The following YWHAQ variants were observed in gnomAD, a reference collection of about 807,000 sequenced individuals.
YWHAQ encodes the protein tyrosine 3-monooxygenase/tryptophan 5-monooxygenase activation protein theta.
In YWHAQ, 6 loss-of-function variants were observed where a neutral mutation model predicts 28.3. The ratio of observed to expected loss-of-function variants is 0.21; its 90% CI spans 0.12 to 0.42. YWHAQ has a LOEUF of 0.42. Ranked by LOEUF, YWHAQ falls within the 10% of genes least tolerant of loss-of-function variation. The pLI, the probability that YWHAQ is intolerant of heterozygous loss-of-function variation, is 1.00. For missense variants in YWHAQ, 201 were observed against 305.6 expected, an observed-to-expected ratio of 0.66 and a Z score of 2.55; for synonymous variants, 143 against 119.1, an observed-to-expected ratio of 1.20 and a Z score of -1.31.
chr2:9,619,855 T>TA (rs1196786559), intron 2 of YWHAQ, among the ~76,000 whole-genome samples: 1 of 152,212 alleles, frequency 6.6e-6, no homozygotes, highest in Non-Finnish European at 1.5e-5. Flanking sequence ...TCAGAACACC[T>TA]AGTATAAATA....
intron 2 of YWHAQ, among the ~76,000 whole-genome samples, chr2:9,600,834 C>CA (rs1666678699): frequency 6.6e-6 from 1 of 152,320 alleles, no homozygotes; most frequent in Admixed American, 6.5e-5. Flanking sequence ...CAACCATCAA[C>CA]ATGGAGGCAA....
At chr2:9,614,519 A>G (rs1267133150) in intron 2 of YWHAQ, among the ~76,000 whole-genome samples, 3 of 152,214 alleles carry the variant, frequency 2.0e-5, no homozygotes, top group Non-Finnish European at 4.4e-5. Context: ...TGGTCTGGTC[A>G]TAAAGTAATC....
intron 2 of YWHAQ, among the ~76,000 whole-genome samples, chr2:9,620,473 T>A (rs531431429): frequency 6.6e-6 from 1 of 152,342 alleles, no homozygotes; most frequent in East Asian, 1.9e-4. Flanking sequence ...CTCCAAAAGC[T>A]GTGTATTTTT....
At chr2:9,607,718 T>TG (rs1423184824) in intron 2 of YWHAQ, among the ~76,000 whole-genome samples, 2 of 150,102 alleles carry the variant, frequency 1.3e-5, no homozygotes, top group Admixed American at 6.6e-5. Flanking sequence ...CCTCTTTTTT[T>TG]TTTTTTTTTT....
chr2:9,597,705 C>T (rs1666602700), intron 2 of YWHAQ, among the ~76,000 whole-genome samples: 1 of 149,078 alleles, frequency 6.7e-6, no homozygotes, highest in Non-Finnish European at 1.5e-5. Flanking sequence ...GATGAATCAA[C>T]CCCATTCTGG....
At chr2:9,611,440 G>C (rs577016588) in intron 2 of YWHAQ, among the ~76,000 whole-genome samples, 44 of 152,282 alleles carry the variant, frequency 2.9e-4, no homozygotes, top group African/African-American at 9.4e-4. Context: ...GCATGAGCTT[G>C]ATCACTGTGG....
At chr2:9,591,988 T>C (rs945411278) in intron 2 of YWHAQ, among the ~76,000 whole-genome samples, 4 of 152,182 alleles carry the variant, frequency 2.6e-5, no homozygotes, top group African/African-American at 9.7e-5. Context: ...GGAGATGGCC[T>C]CCAGTTAAGA....
intron 2 of YWHAQ, among the ~76,000 whole-genome samples, chr2:9,601,805 T>C (rs1380550324): frequency 6.6e-6 from 1 of 152,074 alleles, no homozygotes; most frequent in African/African-American, 2.4e-5. Flanking sequence ...ACCACCTTGC[T>C]CGGCTAATTT....
intron 2 of YWHAQ, among the ~76,000 whole-genome samples, chr2:9,596,066 A>G: frequency 6.6e-6 from 1 of 152,204 alleles, no homozygotes; most frequent in Non-Finnish European, 1.5e-5. Flanking sequence ...AGGAAATGCT[A>G]AAGGAACTCA....
At chr2:9,607,375 T>A (rs1666852738) in intron 2 of YWHAQ, among the ~76,000 whole-genome samples, 1 of 151,566 alleles carries the variant, frequency 6.6e-6, no homozygotes, top group African/African-American at 2.4e-5. Context: ...CTAATTTTTT[T>A]TTTTTTTGTA....
Position 9,588,059 on chromosome 2 carries a change from A to G in YWHAQ, c.582+106T>C, listed in dbSNP as rs537211068. On this transcript the variant is annotated intron_variant, in intron 4 of 5. Transcript: ENST00000238081. ...AAAGAGGAGATTTCAAAATAAATAT[A>G]GTAGAAATCATCCCTGGGTATCCAA... The G allele has an allele frequency of 1.7e-3, 2,287 of 1,311,302 alleles. 3 individuals carry two copies. Among genetic ancestry groups the G allele is most frequent in the Non-Finnish European group, 2.1e-3 (2,016 of 974,068 alleles). The allele number at this position is 1,311,302 out of a possible 1,614,324, so 81.2% of individuals were successfully genotyped here. A position where few individuals can be genotyped will look rare whatever the true frequency, so the allele number is the denominator to read the frequency against.
In YWHAQ at chr2:9,585,150, A is replaced by G. The variant is rs1226516673; in HGVS notation, c.*136T>C. The G allele has an allele frequency of 2.2e-6, 2 of 920,890 alleles. No individual in the cohort carries two copies. Among genetic ancestry groups the G allele is most frequent in the African/African-American group, 1.7e-5 (1 of 59,964 alleles). 57.0% of individuals were successfully genotyped at this position (920,890 alleles called of 1,614,324 possible). On this transcript the variant is annotated 3_prime_UTR_variant, in exon 6 of 6. Transcript: ENST00000238081. ...AGGAATGAAGTTTTCCCAAAGCTGC[A>G]GTGTGAAAAGACTATAAACAGTTGA...
At chr2:9,621,742 G>A (rs1157916770) in intron 2 of YWHAQ, among the ~76,000 whole-genome samples, 1 of 152,024 alleles carries the variant, frequency 6.6e-6, no homozygotes, top group African/African-American at 2.4e-5. Context: ...GCACACATAC[G>A]TTTATTGCAG....
chr2:9,598,997 C>T (rs1424820485), intron 2 of YWHAQ, among the ~76,000 whole-genome samples: 4 of 152,152 alleles, frequency 2.6e-5, no homozygotes, highest in African/African-American at 9.7e-5. Context: ...AAAGAAAGAG[C>T]TCTTGAAGGA....
intron 2 of YWHAQ, among the ~76,000 whole-genome samples, chr2:9,607,321 C>T (rs960627232): frequency 2.0e-5 from 3 of 151,674 alleles, no homozygotes; most frequent in South Asian, 2.1e-4. Context: ...CTGCCTCAGC[C>T]GCTCGAGTAG....
intron 3 of YWHAQ, among the ~76,000 whole-genome samples, chr2:9,589,230 A>C (rs1408305815): frequency 6.6e-6 from 1 of 152,266 alleles, no homozygotes; most frequent in African/African-American, 2.4e-5. Flanking sequence ...ACCTAGGCTA[A>C]AACTATTTTC....
intron 2 of YWHAQ, chr2:9,628,795 G>T (rs895902231): frequency 2.0e-5 from 3 of 152,152 alleles, no homozygotes; most frequent in Admixed American, 6.5e-5. Flanking sequence ...TGGAAGCTAA[G>T]AGCACACGGA....
At chr2:9,588,111 T>C in intron 4 of YWHAQ, 54 bp downstream of exon 4, 1 of 1,478,812 alleles carries the variant, frequency 6.8e-7, no homozygotes, top group East Asian at 2.6e-5. Context: ...TTAACATACC[T>C]GGTATCTCAA....
At chr2:9,595,791 A>G (rs1284235344) in intron 2 of YWHAQ, among the ~76,000 whole-genome samples, 1 of 151,910 alleles carries the variant, frequency 6.6e-6, no homozygotes, top group Non-Finnish European at 1.5e-5. Flanking sequence ...TCAATTAAGC[A>G]GGAGCTCCCC....
Sources: allele counts gnomAD v4.1 joint callset (sites outside exome capture counted in the v4.1 genomes callset), GRCh38; gene constraint gnomAD v4.1.1; transcripts MANE v1.5; gene names NCBI Gene and HGNC (gene_info 2026-07-23, HGNC 2026-07-21).